The following ALG1 variants were observed in gnomAD, a reference collection of about 807,000 sequenced individuals.
ALG1 encodes chitobiosyldiphosphodolichol beta-mannosyltransferase.
Under a neutral mutation model 55.1 loss-of-function variants are expected in ALG1, and 58 were observed. The ratio of observed to expected loss-of-function variants is 1.05; its 90% CI spans 0.85 to 1.31. The LOEUF is 1.31. Among genes scored for constraint, ALG1 ranks in the 50% most tolerant of loss-of-function variants. The probability of loss-of-function intolerance (pLI) is 0.00; values close to 1 mark genes in which losing one functional copy is unlikely to be tolerated. For synonymous variants in ALG1, 309 were observed against 247.0 expected, an observed-to-expected ratio of 1.25 and a Z score of -2.35; for missense variants, 761 against 598.6, an observed-to-expected ratio of 1.27 and a Z score of -2.83.
chr16:5,072,204 C>G, intron 1 of ALG1, 147 bp downstream of exon 1: 1 of 1,535,194 alleles, frequency 6.5e-7, no homozygotes. Context: ...TCTGCCCCAG[C>G]CTTTCCTGGG....
rs1164633620 is a variant in ALG1, at chr16:5,085,120, GC to G, written c.*243del. ...TCTTCTTCTGTTCTTCACGCCCCAT[GC>G]CCCTGCTAGCGTATTACTGTTCTGT... On this transcript the variant is annotated 3_prime_UTR_variant, in exon 13 of 13. Coordinates refer to ENST00000262374, the MANE Select transcript of ALG1 (RefSeq NM_019109.5). 8.7e-6 allele frequency: 6 copies of G among 689,506 alleles called. No homozygotes were observed. The highest frequency in any genetic ancestry group is 1.4e-5 in the Non-Finnish European group (6 of 416,346). 42.7% of individuals were successfully genotyped at this position (689,506 alleles called of 1,614,324 possible).
In ALG1 at chr16:5,077,791, T is replaced by C; in HGVS notation, c.630-116T>C. Reference sequence around the variant, plus strand: ...CAAGTAATTGCAAGGCTTCTTCTTGTCATCATCTGAGACTTGGATTCCCCA... The same window carrying C: ...CAAGTAATTGCAAGGCTTCTTCTTGCCATCATCTGAGACTTGGATTCCCCA... On this transcript the variant is annotated intron_variant, in intron 5 of 12. Coordinates refer to ENST00000262374, the MANE Select transcript of ALG1 (RefSeq NM_019109.5). 3 of 1,182,498 alleles carry C rather than the reference T, an allele frequency of 2.5e-6. No individual in the cohort carries two copies. The South Asian group carries it at 3.7e-5, about 15-fold the overall frequency. The allele number at this position is 1,182,498 out of a possible 1,614,324, so 73.3% of individuals were successfully genotyped here.
chr16:5,077,407 T>C, intron 4 of ALG1, 38 bp from the exon 5 acceptor site: 3 of 1,572,390 alleles, frequency 1.9e-6, no homozygotes, highest in Non-Finnish European at 2.6e-6. Flanking sequence ...AGCGGAGGCC[T>C]GTCTAGGGCT....
intron 5 of ALG1, 96 bp from the exon 6 acceptor site, chr16:5,077,811 T>G (rs1423223924): frequency 4.1e-6 from 5 of 1,213,900 alleles, no homozygotes; most frequent in Admixed American, 1.7e-5. Flanking sequence ...AGACTTGGAT[T>G]CCCCAAGCGT....
intron 3 of ALG1, among the ~76,000 whole-genome samples, chr16:5,074,018 C>T (rs371109151): frequency 9.2e-5 from 14 of 152,108 alleles, no homozygotes; most frequent in East Asian, 5.8e-4. Context: ...CCTGGCCTAT[C>T]GTTATACTTT....
At position 5,073,225 on chromosome 16, in the gene ALG1, G is replaced by A; in HGVS notation, c.359G>A (p.Trp120Ter). Residue 120 changes from tryptophan to a stop codon, truncating the protein, a stop_gained, in exon 3 of 13, where the codon TGG (tryptophan) becomes TAG (stop). Coordinates refer to ENST00000262374, the MANE Select transcript of ALG1 (RefSeq NM_019109.5). LOFTEE classifies it high-confidence loss of function. ...QAMYLLWKLMWREPGAYIFLQ... is the reference protein window; with the variant it reads ...QAMYLLWKLM Reference sequence around the variant, plus strand: ...ATGTACTTGCTGTGGAAGTTGATGTGGAGGGAGCCAGGTGCCTATATCTTT... The same window carrying A: ...ATGTACTTGCTGTGGAAGTTGATGTAGAGGGAGCCAGGTGCCTATATCTTT... 1 of 1,614,180 alleles carries A rather than the reference G, an allele frequency of 6.2e-7. No individual in the cohort carries two copies. The highest frequency in any genetic ancestry group is 8.5e-7 in the Non-Finnish European group (1 of 1,180,034).
intron 11 of ALG1, 145 bp from the exon 12 acceptor site, chr16:5,083,537 A>G: frequency 1.5e-5 from 23 of 1,515,642 alleles, no homozygotes; most frequent in Non-Finnish European, 2.0e-5. Context: ...TGCCAAATCT[A>G]AGAACCAGCT....
intron 3 of ALG1, among the ~76,000 whole-genome samples, chr16:5,073,711 C>G (rs2160035): frequency 0.53 from 79,998 of 152,132 alleles, 21,187 homozygotes; most frequent in South Asian, 0.68. Context: ...CGCGCACACA[C>G]AAACACACAT....
chr16:5,078,371 C>G (rs1337719580), intron 6 of ALG1: 1 of 589,552 alleles, frequency 1.7e-6, no homozygotes, highest in Non-Finnish European at 3.2e-6. Context: ...GATCTGTGGA[C>G]CTGTGTGTCC....
chr16:5,073,677 A>G (rs964546986), intron 3 of ALG1, among the ~76,000 whole-genome samples: 1 of 152,258 alleles, frequency 6.6e-6, no homozygotes, highest in Admixed American at 6.5e-5. Flanking sequence ...GTGTGGTTCT[A>G]TAGTATACAC....
intron 1 of ALG1, among the ~76,000 whole-genome samples, chr16:5,072,472 TC>T (rs1378996713): frequency 6.6e-6 from 1 of 152,188 alleles, no homozygotes; most frequent in Non-Finnish European, 1.5e-5. Flanking sequence ...GTCCAGCTTT[TC>T]CCCACAGTGT....
Position 5,075,515 on chromosome 16 carries a change from C to A in ALG1, c.518C>A (p.Pro173His). 1 of 1,614,146 alleles carries A rather than the reference C, an allele frequency of 6.2e-7. No homozygotes were observed. Among genetic ancestry groups the A allele is most frequent in the Non-Finnish European group, 8.5e-7 (1 of 1,180,024 alleles). Reference protein sequence around the residue: ...IMGLVHGPNHPLVLLAKWYEK... With the variant: ...IMGLVHGPNHHLVLLAKWYEK... ...GGTCTGGTGCATGGCCCCAACCATC[C>A]CCTCGTTCTGCTGGCCAAGTGGTGA... The change falls in exon 4 of 13, where the codon CCC becomes CAC. Residue 173 changes from proline (P) to histidine (H), a missense_variant. Coordinates refer to ENST00000262374, the MANE Select transcript of ALG1 (RefSeq NM_019109.5).
chr16:5,080,150 C>T (rs1451771685), intron 9 of ALG1, among the ~76,000 whole-genome samples: 1 of 151,038 alleles, frequency 6.6e-6, no homozygotes, highest in Non-Finnish European at 1.5e-5. Context: ...TCACTGCAAC[C>T]TCCGCCTCCC....
intron 4 of ALG1, among the ~76,000 whole-genome samples, chr16:5,075,877 G>C (rs1368222196): frequency 6.6e-6 from 1 of 152,210 alleles, no homozygotes; most frequent in Non-Finnish European, 1.5e-5. Context: ...TCATTGGGGA[G>C]GGCAGCCCTT....
chr16:5,080,073 CT>C (rs34927441), intron 9 of ALG1, among the ~76,000 whole-genome samples: 150 of 134,532 alleles, frequency 1.1e-3, no homozygotes, highest in Non-Finnish European at 1.0e-3. Flanking sequence ...TCATTGGTGT[CT>C]TTTTTTTTTT....
In ALG1 at chr16:5,078,735, G is replaced by A. The variant is rs1323262865; in HGVS notation, c.741-22G>A. ...CGGGCCTGCTCTATGGCCTCTCACAGGCTTTTTTTCTGCTCCTTCAGCTCA... is the reference window on the plus strand; with the variant it reads ...CGGGCCTGCTCTATGGCCTCTCACAAGCTTTTTTTCTGCTCCTTCAGCTCA... On this transcript the variant is annotated intron_variant, in intron 6 of 12. Coordinates refer to ENST00000262374, the MANE Select transcript of ALG1 (RefSeq NM_019109.5). The A allele has an allele frequency of 2.5e-6, 4 of 1,612,612 alleles. No homozygotes were observed. In the Admixed American group the frequency reaches 6.7e-5, roughly 27 times the overall value.
intron 8 of ALG1, among the ~76,000 whole-genome samples, chr16:5,079,353 C>T (rs1287253736): frequency 6.6e-6 from 1 of 152,198 alleles, no homozygotes; most frequent in Non-Finnish European, 1.5e-5. Flanking sequence ...GAGCAGTGCT[C>T]TTTCTCCACC....
Position 5,078,751 on chromosome 16 carries a change from C to T in ALG1, c.741-6C>T, listed in dbSNP as rs768938488. 3 of 1,612,852 alleles carry T rather than the reference C, an allele frequency of 1.9e-6. No homozygotes were observed. The East Asian group carries it at 6.7e-5, about 36-fold the overall frequency. On this transcript the variant is annotated splice_polypyrimidine_tract_variant and splice_region_variant and intron_variant, in intron 6 of 12. Coordinates refer to ENST00000262374, the MANE Select transcript of ALG1 (RefSeq NM_019109.5). ...CCTCTCACAGGCTTTTTTTCTGCTC[C>T]TTCAGCTCAGAACCTGAGGACCCAG...
intron 12 of ALG1, 68 bp downstream of exon 12, chr16:5,083,825 G>C: frequency 1.9e-6 from 3 of 1,595,414 alleles, no homozygotes; most frequent in East Asian, 2.2e-5. Context: ...CAGGCTCCCT[G>C]ATCCCTGCTT....
Sources: allele counts gnomAD v4.1 joint callset (sites outside exome capture counted in the v4.1 genomes callset), GRCh38; gene constraint gnomAD v4.1.1; transcripts MANE v1.5; gene names NCBI Gene and HGNC (gene_info 2026-07-23, HGNC 2026-07-21).